The following EGFLAM variants were observed in gnomAD, a reference collection of about 807,000 sequenced individuals.
EGFLAM encodes the protein EGF like, fibronectin type III and laminin G domains.
A neutral mutation model predicts 113.1 loss-of-function variants in EGFLAM; 79 were observed. The observed-to-expected ratio is 0.70, with a 90% CI of 0.58 to 0.84. The LOEUF is 0.84. EGFLAM is among the 40% of genes least tolerant of loss of function. The pLI is 0.00. For synonymous variants in EGFLAM, 504 were observed against 487.6 expected (o/e 1.03, Z -0.44); for missense variants, 1,265 against 1,291.6 (o/e 0.98, Z 0.32).
At chr5:38,437,281 G>T (rs1742380276) in intron 16 of EGFLAM, among the ~76,000 whole-genome samples, 1 of 152,208 alleles carries the variant, frequency 6.6e-6, no homozygotes, top group Admixed American at 6.5e-5. Flanking sequence ...TGTGCAGAGG[G>T]AGGGGATTCA....
intron 5 of EGFLAM, among the ~76,000 whole-genome samples, chr5:38,362,351 T>A (rs1406212018): frequency 6.6e-6 from 1 of 152,194 alleles, no homozygotes; most frequent in Non-Finnish European, 1.5e-5. Context: ...TTCAGAGCAT[T>A]TTACTGGAAT....
intron 6 of EGFLAM, 37 bp downstream of exon 6, chr5:38,370,499 T>C (rs1436428107): frequency 6.3e-7 from 1 of 1,598,774 alleles, no homozygotes; most frequent in Admixed American, 1.7e-5. Flanking sequence ...CCAAGGGAGC[T>C]GCATATCTGG....
At chr5:38,324,670 A>T (rs1738831835) in intron 1 of EGFLAM, among the ~76,000 whole-genome samples, 1 of 151,988 alleles carries the variant, frequency 6.6e-6, no homozygotes, top group Non-Finnish European at 1.5e-5. Context: ...AAAAAAAAAA[A>T]GTTTCATTTA....
intron 5 of EGFLAM, among the ~76,000 whole-genome samples, chr5:38,362,872 A>T (rs1739959736): frequency 6.6e-6 from 1 of 152,178 alleles, no homozygotes; most frequent in Non-Finnish European, 1.5e-5. Flanking sequence ...TCCTACCCTA[A>T]ACATTCCTGA....
chr5:38,340,242 G>C (rs1739301544), intron 3 of EGFLAM, among the ~76,000 whole-genome samples: 1 of 152,136 alleles, frequency 6.6e-6, no homozygotes, highest in African/African-American at 2.4e-5. Flanking sequence ...TCCATTTACA[G>C]GTTGGGTAAT....
chr5:38,304,951 A>G (rs964243983), intron 1 of EGFLAM, among the ~76,000 whole-genome samples: 2 of 152,180 alleles, frequency 1.3e-5, no homozygotes, highest in Non-Finnish European at 2.9e-5. Flanking sequence ...TTTTAATAAT[A>G]TGATATCAGA....
At chr5:38,421,590 G>T (rs1362430076) in intron 12 of EGFLAM, among the ~76,000 whole-genome samples, 2 of 152,338 alleles carry the variant, frequency 1.3e-5, no homozygotes, top group African/African-American at 2.4e-5. Flanking sequence ...AACAAGACAG[G>T]ATCCAGCTCA....
At chr5:38,318,740 G>A (rs1293037295) in intron 1 of EGFLAM, among the ~76,000 whole-genome samples, 2 of 152,068 alleles carry the variant, frequency 1.3e-5, no homozygotes, top group African/African-American at 4.8e-5. Flanking sequence ...CTGACCTCAG[G>A]TGATCTACCC....
intron 1 of EGFLAM, among the ~76,000 whole-genome samples, chr5:38,271,989 G>A (rs567913654): frequency 6.6e-6 from 1 of 152,190 alleles, no homozygotes; most frequent in South Asian, 2.1e-4. Context: ...TACAGAAAAA[G>A]TGTCACTTCC....
At chr5:38,458,202 C>T (rs2112284849) in intron 19 of EGFLAM, 109 bp from the exon 20 acceptor site, 7 of 900,686 alleles carry the variant, frequency 7.8e-6, no homozygotes, top group South Asian at 7.2e-5. Flanking sequence ...AAGGAAACTG[C>T]ACTCTGAGTT....
intron 11 of EGFLAM, among the ~76,000 whole-genome samples, chr5:38,417,571 A>AC (rs1159403632): frequency 2.0e-5 from 3 of 150,564 alleles, no homozygotes; most frequent in Admixed American, 6.7e-5. Context: ...ATTCCCCTCC[A>AC]CCCCCCGTCC....
chr5:38,311,747 T>G (rs967104078), intron 1 of EGFLAM, among the ~76,000 whole-genome samples: 1 of 152,120 alleles, frequency 6.6e-6, no homozygotes, highest in African/African-American at 2.4e-5. Context: ...TGAAGTGAAG[T>G]TGGCAATCCT....
chr5:38,303,212 A>ATCAGTGAAAT (rs1167898908), intron 1 of EGFLAM, among the ~76,000 whole-genome samples: 1 of 152,222 alleles, frequency 6.6e-6, no homozygotes, highest in Non-Finnish European at 1.5e-5. Flanking sequence ...TATAGTATTC[A>ATCAGTGAAAT]TCACTCTTCA....
At chr5:38,399,576 C>T in intron 6 of EGFLAM, among the ~76,000 whole-genome samples, 1 of 152,092 alleles carries the variant, frequency 6.6e-6, no homozygotes, top group East Asian at 1.9e-4. Flanking sequence ...CTGCACCCGG[C>T]CCCCAAGGTC....
intron 19 of EGFLAM, among the ~76,000 whole-genome samples, chr5:38,452,613 A>G (rs1742958248): frequency 6.6e-6 from 1 of 152,148 alleles, no homozygotes; most frequent in South Asian, 2.1e-4. Context: ...CTAAAACCCT[A>G]AGCTCCAGGA....
chr5:38,430,701 GCTGAGAAGTCCC>G (rs1157497022), intron 14 of EGFLAM, among the ~76,000 whole-genome samples: 1 of 152,168 alleles, frequency 6.6e-6, no homozygotes, highest in Non-Finnish European at 1.5e-5. Context: ...GATTATGGAG[GCTGAGAAGTCCC>G]CTGGCCTGCC....
chr5:38,262,214 C>G (rs1354841971), intron 1 of EGFLAM, among the ~76,000 whole-genome samples: 1 of 152,122 alleles, frequency 6.6e-6, no homozygotes, highest in Non-Finnish European at 1.5e-5. Context: ...CCAGAAAGTG[C>G]GGGAGGACTG....
chr5:38,456,590 AC>A (rs1430566108), intron 19 of EGFLAM, among the ~76,000 whole-genome samples: 1 of 152,110 alleles, frequency 6.6e-6, no homozygotes, highest in African/African-American at 2.4e-5. Context: ...TTGTCAAGTC[AC>A]CCCAAGTCCT....
intron 19 of EGFLAM, chr5:38,451,753 G>T (rs1742921479): frequency 7.1e-6 from 2 of 280,412 alleles, no homozygotes; most frequent in South Asian, 1.7e-4. Context: ...CACTTCGGGA[G>T]GCCGAGGTGG....
Sources: gnomAD v4.1 joint callset for allele counts (sites outside exome capture counted in the v4.1 genomes callset) on GRCh38, gnomAD v4.1.1 for gene constraint, MANE v1.5 for transcripts, NCBI Gene and HGNC (gene_info 2026-07-23, HGNC 2026-07-21) for gene names.